TPTE: variants seen among roughly 807,000 people sequenced by gnomAD.
The protein encoded by TPTE is putative tyrosine-protein phosphatase TPTE.
TPTE carries 59 observed loss-of-function variants against 84.1 expected under a neutral mutation model. The ratio of observed to expected loss-of-function variants is 0.70; its 90% CI spans 0.57 to 0.87. The LOEUF (loss-of-function observed/expected upper bound fraction) is 0.87, where lower values mean the gene tolerates loss of function less well. TPTE is among the 40% of genes least tolerant of loss of function. The pLI is 0.00. For synonymous variants in TPTE, 130 were observed against 223.5 expected (o/e 0.58, Z 3.73); for missense variants, 382 against 659.6 (o/e 0.58, Z 4.61).
At chr21:10,548,046 C>T (rs1381439704) in intron 7 of TPTE, among the ~76,000 whole-genome samples, 2 of 152,308 alleles carry the variant, frequency 1.3e-5, no homozygotes, top group African/African-American at 4.8e-5. Context: ...TCCTGGCGTG[C>T]CCAGTAGCCC....
intron 21 of TPTE, among the ~76,000 whole-genome samples, chr21:10,600,140 CTT>C (rs71217979): frequency 2.1e-4 from 30 of 142,454 alleles, no homozygotes; most frequent in African/African-American, 6.8e-4. Flanking sequence ...TTTTCTTTTT[CTT>C]TTTTTTTTTT....
chr21:10,566,234 A>T (rs1177096856), intron 10 of TPTE, among the ~76,000 whole-genome samples: 2 of 152,310 alleles, frequency 1.3e-5, no homozygotes, highest in African/African-American at 4.8e-5. Flanking sequence ...ACAGATGGTA[A>T]ACAGGCATAT....
At chr21:10,546,156 C>A (rs1600878554) in intron 7 of TPTE, among the ~76,000 whole-genome samples, 1 of 152,428 alleles carries the variant, frequency 6.6e-6, no homozygotes, top group East Asian at 1.9e-4. Context: ...CTTTGTGTCT[C>A]TTGTCACATT....
chr21:10,551,731 C>T (rs1381594637), intron 7 of TPTE, among the ~76,000 whole-genome samples: 2 of 152,396 alleles, frequency 1.3e-5, no homozygotes, highest in Middle Eastern at 6.8e-3. Flanking sequence ...AAAGAGACCT[C>T]ATAACAGATA....
At chr21:10,583,720 A>AT in intron 17 of TPTE, among the ~76,000 whole-genome samples, 1 of 152,312 alleles carries the variant, frequency 6.6e-6, no homozygotes, top group Non-Finnish European at 1.5e-5. Flanking sequence ...AAATTGATCT[A>AT]TGTGTGTGGT....
chr21:10,554,866 G>C (rs2074649458), intron 8 of TPTE, among the ~76,000 whole-genome samples: 1 of 152,310 alleles, frequency 6.6e-6, no homozygotes. Context: ...AGTTTTTTCA[G>C]CATGAACATG....
At chr21:10,554,812 A>C (rs2074647846) in intron 8 of TPTE, among the ~76,000 whole-genome samples, 1 of 152,308 alleles carries the variant, frequency 6.6e-6, no homozygotes, top group Admixed American at 6.5e-5. Context: ...ACTTTGTCTT[A>C]AGGTATAAAG....
chr21:10,596,593 C>A (rs1191044274), intron 20 of TPTE, among the ~76,000 whole-genome samples: 25 of 152,404 alleles, frequency 1.6e-4, no homozygotes, highest in Non-Finnish European at 2.6e-4. Flanking sequence ...CTCTCACTCC[C>A]AGCTTACACT....
At chr21:10,549,283 G>T (rs2074528576) in intron 7 of TPTE, among the ~76,000 whole-genome samples, 1 of 152,302 alleles carries the variant, frequency 6.6e-6, no homozygotes, top group Non-Finnish European at 1.5e-5. Context: ...CAGATGCGTA[G>T]AAATCAATTT....
intron 10 of TPTE, among the ~76,000 whole-genome samples, chr21:10,562,179 G>C (rs1016122011): frequency 1.3e-5 from 2 of 152,310 alleles, no homozygotes; most frequent in Non-Finnish European, 2.9e-5. Flanking sequence ...GAGTTTAGGA[G>C]GCTTGGGGTG....
chr21:10,596,270 C>G (rs1260042766), intron 20 of TPTE, among the ~76,000 whole-genome samples, 183 bp downstream of exon 20: 2 of 152,312 alleles, frequency 1.3e-5, no homozygotes, highest in African/African-American at 4.8e-5. Flanking sequence ...TGATTGCCAG[C>G]CCTTAGATGT....
chr21:10,524,261 G>A (rs1181862376), intron 1 of TPTE, among the ~76,000 whole-genome samples: 4 of 152,306 alleles, frequency 2.6e-5, no homozygotes, highest in South Asian at 2.1e-4. Flanking sequence ...AAGTTTTGGC[G>A]GGGGAACTAG....
At chr21:10,573,991 A>G (rs1403509844) in intron 14 of TPTE, among the ~76,000 whole-genome samples, 1 of 152,310 alleles carries the variant, frequency 6.6e-6, no homozygotes, top group Non-Finnish European at 1.5e-5. Flanking sequence ...ATAAACTCCA[A>G]CTCTTGATGG....
At position 10,602,113 on chromosome 21, in the gene TPTE, C is replaced by T. The variant is rs760629727; in HGVS notation, c.1412C>T (p.Pro471Leu). Reference sequence around the variant, plus strand: ...TTAATTGATGTATTCGACGGTCTACCTCTGTATGATGATGTGAAAGTGCAG... The same window carrying T: ...TTAATTGATGTATTCGACGGTCTACTTCTGTATGATGATGTGAAAGTGCAG... ...KILIDVFDGL[P>L]LYDDVKVQFF... The change falls in exon 22 of 24, where the codon CCT becomes CTT. Residue 471 changes from proline to leucine, a missense_variant. This residue lies in a region of TPTE where 13 missense variants were observed against 46.7 expected (regional missense o/e 0.28). Transcript: ENST00000618007. 3.1e-6 allele frequency: 5 copies of T among 1,613,178 alleles called. No homozygotes were observed. The highest frequency in any genetic ancestry group is 4.2e-6 in the Non-Finnish European group (5 of 1,179,114).
chr21:10,541,069 G>A, intron 4 of TPTE, 43 bp from the exon 5 acceptor site: 2 of 1,611,276 alleles, frequency 1.2e-6, no homozygotes, highest in Non-Finnish European at 1.7e-6. Flanking sequence ...CAAAACATTA[G>A]AATTACGCAT....
At chr21:10,539,195 A>C (rs469751) in intron 4 of TPTE, among the ~76,000 whole-genome samples, 1 of 152,116 alleles carries the variant, frequency 6.6e-6, no homozygotes, top group Non-Finnish European at 1.5e-5. Flanking sequence ...AGAAAATCCT[A>C]TTTGCAACAT....
At chr21:10,537,477 C>G (rs469705) in intron 3 of TPTE, among the ~76,000 whole-genome samples, 31,572 of 144,464 alleles carry the variant, frequency 0.22, 66 homozygotes, top group African/African-American at 0.47. Context: ...AGGAGATCGA[C>G]ACCATCCTGG....
At chr21:10,573,059 TAA>T (rs56182104) in intron 14 of TPTE, among the ~76,000 whole-genome samples, 6 of 146,744 alleles carry the variant, frequency 4.1e-5, no homozygotes, top group East Asian at 2.0e-4. Context: ...TGCCAAGATT[TAA>T]AAAAAAAAAA....
At chr21:10,591,342 A>G (rs1368698005) in intron 18 of TPTE, among the ~76,000 whole-genome samples, 1 of 152,312 alleles carries the variant, frequency 6.6e-6, no homozygotes, top group Non-Finnish European at 1.5e-5. Flanking sequence ...CACAATGCCC[A>G]GACTCCAATT....
Sources: gnomAD v4.1 joint callset for allele counts (sites outside exome capture counted in the v4.1 genomes callset) on GRCh38, gnomAD v4.1.1 for gene constraint, gnomAD v4.1.1 regional missense constraint, MANE v1.5 for transcripts, NCBI Gene and HGNC (gene_info 2026-07-23, HGNC 2026-07-21) for gene names.